Variants in CCNK observed in about 807,000 individuals in gnomAD.
CCNK encodes the protein cyclin K.
Under a neutral mutation model 65.0 loss-of-function variants are expected in CCNK, and 9 were observed. The ratio of observed to expected loss-of-function variants is 0.14; its 90% CI spans 0.08 to 0.24. The LOEUF is 0.24. Among genes scored for constraint, CCNK ranks in the 10% least tolerant of loss-of-function variants. The pLI, the probability that CCNK is intolerant of heterozygous loss-of-function variation, is 1.00. For synonymous variants in CCNK, 279 were observed against 270.8 expected (o/e 1.03, Z -0.30); for missense variants, 474 against 720.0 (o/e 0.66, Z 3.91).
intron 1 of CCNK, among the ~76,000 whole-genome samples, chr14:99,488,407 G>A (rs919905620): frequency 1.3e-5 from 2 of 152,084 alleles, no homozygotes; most frequent in Non-Finnish European, 1.5e-5. Flanking sequence ...AAGAGACCGG[G>A]TCAGTTGTTG....
intron 5 of CCNK, 52 bp from the exon 6 acceptor site, chr14:99,501,304 G>A: frequency 8.8e-7 from 1 of 1,142,726 alleles, no homozygotes. Flanking sequence ...ACTTGATGCT[G>A]CCTGTGAATT....
Position 99,510,955 on chromosome 14 carries a change from G to A in CCNK, c.*173G>A, listed in dbSNP as rs565536102. The stretch of plus-strand genomic sequence containing the variant: ...AGAGTGGTCCTCACACCTAGAGGAC[G>A]GGGACAACCAGCTTTCAGAGTAGCC... On this transcript the variant is annotated 3_prime_UTR_variant, in exon 11 of 11. Coordinates refer to ENST00000389879, the MANE Select transcript of CCNK (RefSeq NM_001099402.2). 9 of 484,682 alleles carry A rather than the reference G, an allele frequency of 1.9e-5. No homozygotes were observed. The highest frequency in any genetic ancestry group is 1.4e-4 in the East Asian group (4 of 28,018). 30.0% of individuals were successfully genotyped at this position (484,682 alleles called of 1,614,324 possible).
intron 7 of CCNK, 133 bp from the exon 8 acceptor site, chr14:99,502,586 C>G: frequency 8.3e-7 from 1 of 1,205,730 alleles, no homozygotes; most frequent in East Asian, 2.5e-5. Flanking sequence ...TTGCACACAA[C>G]GAAGATGGGG....
At position 99,489,164 on chromosome 14, in the gene CCNK, A is replaced by G. The variant is rs1353080579; in HGVS notation, c.-52-3462A>G. Reference sequence around the variant, plus strand: ...TTTTTTTTAACCATGATTTATTTTGATATCTTCAGTTAAAGTTTAACATTA... The same window carrying G: ...TTTTTTTTAACCATGATTTATTTTGGTATCTTCAGTTAAAGTTTAACATTA... On this transcript the variant is annotated intron_variant, in intron 1 of 10. Coordinates refer to ENST00000389879, the MANE Select transcript of CCNK (RefSeq NM_001099402.2). Among the ~76,000 whole-genome samples the G allele has an allele frequency of 3.9e-5, 6 of 152,198 alleles. No homozygotes were observed. The East Asian group carries it at 9.6e-4, about 24-fold the overall frequency.
intron 9 of CCNK, chr14:99,505,934 A>T (rs1896962312): frequency 6.6e-6 from 1 of 152,344 alleles, no homozygotes; most frequent in African/African-American, 2.4e-5. Flanking sequence ...GACAGCCCTG[A>T]TGTAGACGGC....
intron 1 of CCNK, among the ~76,000 whole-genome samples, chr14:99,491,045 T>G (rs988708696): frequency 1.3e-5 from 2 of 152,212 alleles, no homozygotes; most frequent in Non-Finnish European, 1.5e-5. Context: ...ATCCAGTACT[T>G]AACGATGTTT....
At chr14:99,502,498 C>A (rs901826282) in intron 7 of CCNK, 122 bp downstream of exon 7, 5 of 1,407,462 alleles carry the variant, frequency 3.6e-6, no homozygotes, top group Non-Finnish European at 4.7e-6. Context: ...ATTTCAGAAG[C>A]ATCATTAATT....
chr14:99,506,881 G>C, intron 9 of CCNK, 195 bp from the exon 10 acceptor site: 1 of 562,074 alleles, frequency 1.8e-6, no homozygotes, highest in South Asian at 2.0e-5. Context: ...GTCTTTTGGA[G>C]GGAGGTGGCA....
Position 99,510,226 on chromosome 14 carries a change from T to C in CCNK, c.1187T>C (p.Leu396Pro). 1 of 1,595,060 alleles carries C rather than the reference T, an allele frequency of 6.3e-7. No individual in the cohort carries two copies. The change falls in exon 11 of 11, where the codon CTC becomes CCC. Residue 396 changes from leucine (L) to proline (P), a missense_variant. Transcript: ENST00000389879. Reference protein sequence around the residue: ...EPPGPVDATDLPKVQIPPPAH... With the variant: ...EPPGPVDATDPPKVQIPPPAH... ...CCGGGCCCTGTGGATGCCACTGACC[T>C]CCCCAAAGTCCAGATTCCCCCTCCG...
rs200466804 is a variant in CCNK at position 99,511,323 on chromosome 14, CT to C, written c.*552del. The C allele has an allele frequency of 0.018, 2,549 of 145,650 alleles. 60 individuals carry two copies. The highest frequency in any genetic ancestry group is 0.056 in the African/African-American group (2,254 of 40,076). 9.0% of individuals were successfully genotyped at this position (145,650 alleles called of 1,614,324 possible). A position where few individuals can be genotyped will look rare whatever the true frequency, so the allele number is the denominator to read the frequency against. On this transcript the variant is annotated 3_prime_UTR_variant, in exon 11 of 11. Transcript: ENST00000389879. ...TTGAAGGGGTTGCCTCATTGGATGGCTTTTTTTTTTTCCTCCAGGGAGAAGG... is the reference window on the plus strand; with the variant it reads ...TTGAAGGGGTTGCCTCATTGGATGGCTTTTTTTTTTCCTCCAGGGAGAAGG...
At chr14:99,503,508 A>G (rs1896893346) in intron 8 of CCNK, 103 bp from the exon 9 acceptor site, 1 of 979,068 alleles carries the variant, frequency 1.0e-6, no homozygotes, top group Non-Finnish European at 1.6e-6. Context: ...GAGGCTGTTC[A>G]CAGTGACTGC....
chr14:99,486,035 G>A (rs767136163), intron 1 of CCNK, among the ~76,000 whole-genome samples: 4 of 152,028 alleles, frequency 2.6e-5, no homozygotes, highest in Admixed American at 2.6e-4. Context: ...CATTTAAACT[G>A]TACAAATCAG....
chr14:99,502,996 A>G lies in CCNK; in HGVS notation c.1011+12A>G. 6.2e-7 allele frequency: 1 copy of G among 1,613,888 alleles called. No homozygotes were observed. The highest frequency in any genetic ancestry group is 8.5e-7 in the Non-Finnish European group (1 of 1,179,820). Reference sequence around the variant, plus strand: ...TTAAGCGAGCCGTGGTGAGTGGGCTAAAGCAGGCCCTGGGTAGAGCAGGCT... The same window carrying G: ...TTAAGCGAGCCGTGGTGAGTGGGCTGAAGCAGGCCCTGGGTAGAGCAGGCT... On this transcript the variant is annotated intron_variant, in intron 8 of 10. Transcript: ENST00000389879.
intron 10 of CCNK, chr14:99,508,624 G>A (rs1490857165): frequency 6.5e-6 from 1 of 152,736 alleles, no homozygotes; most frequent in Non-Finnish European, 1.5e-5. Context: ...AGGCATTCAG[G>A]TCAGCAGTGA....
chr14:99,498,184 CCTTTA>C lies in CCNK; in HGVS notation c.411+2560_411+2564del, dbSNP rs150756447. Reference sequence around the variant, plus strand: ...ATCCCAGGGTGCCTTGGAGAAGCCCCCTTTACTTTTAGCCTTTACCCACTGTACCA... The same window carrying C: ...ATCCCAGGGTGCCTTGGAGAAGCCCCCTTTTAGCCTTTACCCACTGTACCA... On this transcript the variant is annotated intron_variant, in intron 4 of 10. Transcript: ENST00000389879. Among the ~76,000 whole-genome samples, 563 of 152,232 alleles carry C rather than the reference CCTTTA, an allele frequency of 3.7e-3. 12 individuals carry two copies. The East Asian group carries it at 0.075, about 20-fold the overall frequency.
In CCNK at chr14:99,510,675, C is replaced by T; in HGVS notation, c.1636C>T (p.Pro546Ser). Residue 546 changes from proline (P) to serine (S), a missense_variant, in exon 11 of 11, where the codon CCA becomes TCA. Physicochemically the swap from Pro to Ser is moderately conservative, Grantham distance 74. Around this residue, in one of 6 missense-constraint regions of CCNK, gnomAD observed 53 missense variants for 91.4 expected, o/e 0.58. Transcript: ENST00000389879. ...PGLGLPPASY[P>S]PPAVPPGGQP... The stretch of plus-strand genomic sequence containing the variant: ...GTTGGGCCTGCCGCCAGCCAGCTAC[C>T]CACCTCCTGCCGTCCCCCCTGGAGG... The T allele has an allele frequency of 7.0e-7, 1 of 1,420,670 alleles. No individual in the cohort carries two copies. The highest frequency in any genetic ancestry group is 2.1e-4 in the Middle Eastern group (1 of 4,678). The allele number at this position is 1,420,670 out of a possible 1,614,324, so 88.0% of individuals were successfully genotyped here.
intron 10 of CCNK, chr14:99,509,945 C>G: frequency 1.7e-6 from 1 of 599,646 alleles, no homozygotes; most frequent in East Asian, 2.8e-5. Flanking sequence ...AACCCCAGGT[C>G]GTCGCAGACA....
intron 8 of CCNK, 198 bp from the exon 9 acceptor site, chr14:99,503,413 A>G (rs1896890655): frequency 6.6e-6 from 4 of 606,016 alleles, no homozygotes; most frequent in East Asian, 5.5e-5. Flanking sequence ...TATTTGGTAA[A>G]TGGAAAGAGG....
At chr14:99,481,594 G>T (rs1198890643) in intron 1 of CCNK, 115 bp downstream of exon 1, 1 of 395,518 alleles carries the variant, frequency 2.5e-6, no homozygotes, top group African/African-American at 2.1e-5. Flanking sequence ...TCCGGATTCT[G>T]CCTCCCTCCG....
Sources: allele counts gnomAD v4.1 joint callset (sites outside exome capture counted in the v4.1 genomes callset), GRCh38; gene constraint gnomAD v4.1.1; regional missense constraint gnomAD v4.1.1; transcripts MANE v1.5; gene names NCBI Gene and HGNC (gene_info 2026-07-23, HGNC 2026-07-21).